Variants in MYO1B observed in about 807,000 individuals in gnomAD.
MYO1B encodes myosin IB, also known as unconventional myosin-Ib.
Under a neutral mutation model 159.7 loss-of-function variants are expected in MYO1B, and 72 were observed. The ratio of observed to expected loss-of-function variants is 0.45; its 90% confidence interval spans 0.37 to 0.55. The LOEUF is 0.55. Among genes scored for constraint, MYO1B ranks in the 20% least tolerant of loss-of-function variants. The pLI, the probability that MYO1B is intolerant of heterozygous loss-of-function variation, is 0.00. For synonymous variants in MYO1B, 468 were observed against 473.8 expected (o/e 0.99, Z 0.16); for missense variants, 1,062 against 1,364.8 (o/e 0.78, Z 3.50).
intron 13 of MYO1B, among the ~76,000 whole-genome samples, chr2:191,374,196 A>C (rs188798663): frequency 6.6e-6 from 1 of 152,248 alleles, no homozygotes; most frequent in African/African-American, 2.4e-5. Context: ...TAAGAACTTT[A>C]AAGTACTGCA....
chr2:191,296,947 G>T (rs1414304162), intron 3 of MYO1B, among the ~76,000 whole-genome samples: 2 of 152,154 alleles, frequency 1.3e-5, no homozygotes, highest in Non-Finnish European at 2.9e-5. Flanking sequence ...GTAGAACCGG[G>T]TTATTCAACC....
chr2:191,414,756 A>C (rs1697461504), intron 29 of MYO1B, 87 bp downstream of exon 29: 1 of 1,423,146 alleles, frequency 7.0e-7, no homozygotes. Context: ...ATCGCAGTTT[A>C]TATATCTGCC....
intron 6 of MYO1B, among the ~76,000 whole-genome samples, chr2:191,347,458 A>G (rs1001448479): frequency 2.0e-5 from 3 of 152,204 alleles, no homozygotes; most frequent in Non-Finnish European, 2.9e-5. Context: ...TGTGATAGAG[A>G]TTTTATTTTT....
chr2:191,358,285 A>G (rs993576845), intron 7 of MYO1B, among the ~76,000 whole-genome samples: 1 of 152,214 alleles, frequency 6.6e-6, no homozygotes, highest in Admixed American at 6.5e-5. Context: ...ATAAAAAATG[A>G]AAAGCACTGA....
rs28669115 is a variant in MYO1B at position 191,424,339 on chromosome 2, T to G, written c.*379T>G. 0.017 allele frequency: 3,171 copies of G among 182,204 alleles called. 105 individuals carry two copies. The highest frequency in any genetic ancestry group is 0.07 in the African/African-American group (2,971 of 42,426). 11.3% of individuals were successfully genotyped at this position (182,204 alleles called of 1,614,324 possible). A position where few individuals can be genotyped will look rare whatever the true frequency, so the allele number is the denominator to read the frequency against. The stretch of plus-strand genomic sequence containing the variant: ...TCAGATATTTATTCCATGCCTACTC[T>G]ATGCTAGGCACTGTGCTAGATGGTA... On this transcript the variant is annotated 3_prime_UTR_variant, in exon 31 of 31. Transcript: ENST00000392318.
At chr2:191,374,453 C>G (rs908497405) in intron 13 of MYO1B, among the ~76,000 whole-genome samples, 1 of 152,110 alleles carries the variant, frequency 6.6e-6, no homozygotes, top group Non-Finnish European at 1.5e-5. Context: ...TAAAAAAATG[C>G]GTCTAGTTGT....
chr2:191,318,011 G>GT lies in MYO1B; in HGVS notation c.252-11917dup, dbSNP rs1690462851. 2.0e-5 allele frequency among the ~76,000 whole-genome samples: 3 copies of GT among 152,214 alleles called. 1 individual carries two copies. In the South Asian group the frequency reaches 6.2e-4, roughly 32 times the overall value. ...GGTGATGTTAGGATTAATTACACCA[G>GT]TTTTTTTCTGAGCATATACCATGTG... On this transcript the variant is annotated intron_variant, in intron 3 of 30. Transcript: ENST00000392318.
chr2:191,354,231 G>T (rs908500190), intron 7 of MYO1B, among the ~76,000 whole-genome samples: 1 of 150,702 alleles, frequency 6.6e-6, no homozygotes, highest in Non-Finnish European at 1.5e-5. Flanking sequence ...ATTCCAGCCT[G>T]GGTGATAGAG....
intron 13 of MYO1B, chr2:191,379,285 T>C (rs1694906231): frequency 6.5e-6 from 1 of 152,688 alleles, no homozygotes; most frequent in Admixed American, 6.5e-5. Context: ...AAGTATGACC[T>C]GTTTGCAGTG....
At chr2:191,259,979 G>T (rs1441378170) in intron 1 of MYO1B, among the ~76,000 whole-genome samples, 1 of 152,118 alleles carries the variant, frequency 6.6e-6, no homozygotes, top group South Asian at 2.1e-4. Context: ...TACGTGTGGT[G>T]GAAGCTGTGG....
chr2:191,369,465 A>G, intron 11 of MYO1B, 77 bp from the exon 12 acceptor site: 1 of 1,080,106 alleles, frequency 9.3e-7, no homozygotes, highest in Non-Finnish European at 1.4e-6. Flanking sequence ...ATTTTTTAAA[A>G]GTATCTTTAT....
At chr2:191,257,693 G>T (rs1181430280) in intron 1 of MYO1B, among the ~76,000 whole-genome samples, 1 of 152,182 alleles carries the variant, frequency 6.6e-6, no homozygotes, top group Non-Finnish European at 1.5e-5. Flanking sequence ...TGCTGACATA[G>T]ATTTGAAAGA....
chr2:191,383,049 C>T (rs1238326401), intron 14 of MYO1B, among the ~76,000 whole-genome samples: 1 of 152,140 alleles, frequency 6.6e-6, no homozygotes, highest in Non-Finnish European at 1.5e-5. Context: ...GAATGGAAGG[C>T]AGTCTCAGAA....
rs146441596 is a variant in MYO1B, at chr2:191,393,219, T to C, written c.2223T>C (p.Tyr741=). Residue 741 remains tyrosine (Y), a synonymous_variant, in exon 20 of 31, where the codon TAT becomes TAC. Coordinates refer to ENST00000392318, the MANE Select transcript of MYO1B (RefSeq NM_001130158.3). ...QIVIAAWYRR[Y]AQQKRYQQTK... is the part of the protein sequence containing the mutation. ...TGATTGCCGCCTGGTACAGGAGATA[T>C]GCGGTAAGAGTCTCAGTCATTTTAA... 31 of 1,613,880 alleles carry C rather than the reference T, an allele frequency of 1.9e-5. No individual in the cohort carries two copies. In the African/African-American group the frequency reaches 2.9e-4, roughly 15 times the overall value.
At chr2:191,397,516 C>T (rs1370056166) in intron 21 of MYO1B, among the ~76,000 whole-genome samples, 2 of 152,028 alleles carry the variant, frequency 1.3e-5, no homozygotes, top group African/African-American at 4.8e-5. Flanking sequence ...GGGATAAGGT[C>T]ACAGATCAAC....
intron 2 of MYO1B, among the ~76,000 whole-genome samples, chr2:191,278,372 C>A (rs1295220555): frequency 1.3e-5 from 2 of 152,226 alleles, no homozygotes; most frequent in African/African-American, 2.4e-5. Context: ...CTAGAACCAT[C>A]ACATTGGTGA....
At chr2:191,255,897 C>T (rs1033638714) in intron 1 of MYO1B, among the ~76,000 whole-genome samples, 1 of 152,194 alleles carries the variant, frequency 6.6e-6, no homozygotes, top group African/African-American at 2.4e-5. Context: ...AGACGGGGTC[C>T]TTTAAGGTCA....
chr2:191,412,615 G>T (rs1697314973), intron 27 of MYO1B, among the ~76,000 whole-genome samples: 1 of 152,140 alleles, frequency 6.6e-6, no homozygotes, highest in Admixed American at 6.6e-5. Context: ...CACCTACGTG[G>T]ATTTTTCTTC....
intron 21 of MYO1B, among the ~76,000 whole-genome samples, chr2:191,399,701 G>A (rs1696486828): frequency 6.6e-6 from 1 of 152,136 alleles, no homozygotes; most frequent in South Asian, 2.1e-4. Context: ...CCAGGCCCTC[G>A]ACAACTTAAG....
Sources: allele counts gnomAD v4.1 joint callset (sites outside exome capture counted in the v4.1 genomes callset), GRCh38; gene constraint gnomAD v4.1.1; transcripts MANE v1.5; gene names NCBI Gene and HGNC (gene_info 2026-07-23, HGNC 2026-07-21).